Variants in C4orf17 observed in about 807,000 individuals in gnomAD.
The protein encoded by C4orf17 is uncharacterized protein C4orf17.
Under a neutral mutation model 32.0 loss-of-function variants are expected in C4orf17, and 25 were observed. That is an observed-to-expected ratio of 0.78 (90% CI 0.57 to 1.09). The LOEUF (loss-of-function observed/expected upper bound fraction) is 1.09. C4orf17 is among the 50% of genes least tolerant of loss of function. The probability of loss-of-function intolerance (pLI) is 0.00; values close to 1 mark genes in which losing one functional copy is unlikely to be tolerated. For missense variants in C4orf17, 420 were observed against 420.0 expected, an observed-to-expected ratio of 1.00 and a Z score of 0.00; for synonymous variants, 149 against 145.8, an observed-to-expected ratio of 1.02 and a Z score of -0.16.
intron 2 of C4orf17, among the ~76,000 whole-genome samples, chr4:99,517,919 C>A (rs2718687): frequency 0.51 from 78,077 of 151,988 alleles, 22,618 homozygotes; most frequent in East Asian, 0.66. Context: ...AACTCTTGAT[C>A]TTCCTTCAAA....
At chr4:99,524,010 T>G (rs113283517) in intron 3 of C4orf17, among the ~76,000 whole-genome samples, 1 of 147,454 alleles carries the variant, frequency 6.8e-6, no homozygotes, top group East Asian at 2.0e-4. Context: ...GACGGAGTCT[T>G]GCTCTGTCGC....
At position 99,524,605 on chromosome 4, in the gene C4orf17, TGCTA is replaced by T. The variant is rs2110169223; in HGVS notation, c.402+21_402+24del. 6.8e-7 allele frequency: 1 copy of T among 1,475,042 alleles called. No homozygotes were observed. Among genetic ancestry groups the T allele is most frequent in the Admixed American group, 1.8e-5 (1 of 55,244 alleles). 91.4% of individuals were successfully genotyped at this position (1,475,042 alleles called of 1,614,324 possible). A position where few individuals can be genotyped will look rare whatever the true frequency, so the allele number is the denominator to read the frequency against. Reference sequence around the variant, plus strand: ...AAAAAGGTAAGGAACAGCTATTTACTGCTATCTATTTAGTTTGACTTCTATAAGT... The same window carrying T: ...AAAAAGGTAAGGAACAGCTATTTACTTCTATTTAGTTTGACTTCTATAAGT... On this transcript the variant is annotated intron_variant, in intron 4 of 8. Transcript: ENST00000326581.
At position 99,511,611 on chromosome 4, in the gene C4orf17, G is replaced by T. The variant is rs1211492626; in HGVS notation, c.-94+339G>T. Among the ~76,000 whole-genome samples the T allele has an allele frequency of 2.0e-5, 3 of 152,006 alleles. No homozygotes were observed. In the East Asian group the frequency reaches 5.8e-4, roughly 29 times the overall value. On this transcript the variant is annotated intron_variant, in intron 1 of 8. Transcript: ENST00000326581. ...TCTGTGGTCACTTTGCTGGTTAATGGCAAATCTGGGACCATGAATCCTATC... is the reference window on the plus strand; with the variant it reads ...TCTGTGGTCACTTTGCTGGTTAATGTCAAATCTGGGACCATGAATCCTATC...
At chr4:99,514,205 C>A (rs921404156) in intron 2 of C4orf17, among the ~76,000 whole-genome samples, 2 of 152,028 alleles carry the variant, frequency 1.3e-5, no homozygotes, top group Non-Finnish European at 2.9e-5. Context: ...GCAAATAATT[C>A]ATGACTAAGA....
chr4:99,533,058 G>A (rs1723501648), intron 5 of C4orf17, among the ~76,000 whole-genome samples: 1 of 152,204 alleles, frequency 6.6e-6, no homozygotes, highest in African/African-American at 2.4e-5. Flanking sequence ...AGTGGCAAGA[G>A]ATGGGGCTGG....
intron 2 of C4orf17, among the ~76,000 whole-genome samples, chr4:99,521,990 A>G (rs1272392025): frequency 1.3e-5 from 2 of 152,138 alleles, no homozygotes. Flanking sequence ...TTCACAATCT[A>G]CCTTATCCTG....
intron 4 of C4orf17, 118 bp downstream of exon 4, chr4:99,524,703 A>G (rs567214720): frequency 1.9e-5 from 12 of 633,410 alleles, no homozygotes; most frequent in African/African-American, 1.5e-4. Flanking sequence ...CAGCTTTAGT[A>G]AAGTCTAATT....
Position 99,542,230 on chromosome 4 carries a change from T to G in C4orf17, c.*121T>G. 1 of 785,692 alleles carries G rather than the reference T, an allele frequency of 1.3e-6. No homozygotes were observed. 48.7% of individuals were successfully genotyped at this position (785,692 alleles called of 1,614,324 possible). On this transcript the variant is annotated 3_prime_UTR_variant, in exon 9 of 9. Transcript: ENST00000326581. ...AAGTGGTCCTCTTTATGGTGGCACA[T>G]GTAAATCTAAAAATACCTGTATGTA...
intron 4 of C4orf17, among the ~76,000 whole-genome samples, chr4:99,525,883 T>A (rs1223655186): frequency 6.6e-6 from 1 of 152,234 alleles, no homozygotes; most frequent in Non-Finnish European, 1.5e-5. Flanking sequence ...TTGTTATGCA[T>A]GTTTTTGCAA....
At chr4:99,512,456 G>A (rs989327081) in intron 1 of C4orf17, among the ~76,000 whole-genome samples, 1 of 152,036 alleles carries the variant, frequency 6.6e-6, no homozygotes, top group Non-Finnish European at 1.5e-5. Context: ...CATGGCAAAG[G>A]TTCTCTGGTT....
intron 2 of C4orf17, among the ~76,000 whole-genome samples, chr4:99,520,545 T>C (rs1578188461): frequency 6.6e-6 from 1 of 152,266 alleles, no homozygotes; most frequent in Admixed American, 6.5e-5. Context: ...CACATTTTCT[T>C]ATCATATACT....
At chr4:99,531,665 C>A (rs566882015) in intron 5 of C4orf17, among the ~76,000 whole-genome samples, 2 of 152,120 alleles carry the variant, frequency 1.3e-5, no homozygotes, top group Non-Finnish European at 2.9e-5. Context: ...CTCACCACTT[C>A]GCTTGAAAAA....
intron 5 of C4orf17, among the ~76,000 whole-genome samples, chr4:99,536,953 T>G (rs1224053152): frequency 6.6e-6 from 1 of 152,078 alleles, no homozygotes; most frequent in Non-Finnish European, 1.5e-5. Context: ...TTGAACAGGC[T>G]GGAGGCAGCC....
intron 2 of C4orf17, among the ~76,000 whole-genome samples, chr4:99,516,618 C>T (rs1052528047): frequency 6.6e-6 from 1 of 152,026 alleles, no homozygotes; most frequent in Non-Finnish European, 1.5e-5. Flanking sequence ...GTTAAGTATA[C>T]AAACAAGTAA....
chr4:99,513,809 T>A (rs1446053782), intron 2 of C4orf17, among the ~76,000 whole-genome samples: 1 of 152,132 alleles, frequency 6.6e-6, no homozygotes, highest in Non-Finnish European at 1.5e-5. Flanking sequence ...GGAGCTTGGA[T>A]TGAAGAATTT....
At position 99,525,282 on chromosome 4, in the gene C4orf17, C is replaced by T. The variant is rs183076543; in HGVS notation, c.402+697C>T. ...CAAAATGATTGTCCCATTTTACATT[C>T]CCACCAGCAGTGTATGAGTTTTTTT... On this transcript the variant is annotated intron_variant, in intron 4 of 8. Transcript: ENST00000326581. Among the ~76,000 whole-genome samples the T allele has an allele frequency of 7.2e-5, 11 of 152,278 alleles. No individual in the cohort carries two copies. In the East Asian group the frequency reaches 1.5e-3, roughly 21 times the overall value.
chr4:99,514,322 G>T (rs1293639604), intron 2 of C4orf17, among the ~76,000 whole-genome samples: 1 of 152,052 alleles, frequency 6.6e-6, no homozygotes. Flanking sequence ...CAGACAACCT[G>T]CAGAGTGGGA....
In C4orf17 at chr4:99,513,117, C is replaced by T. The variant is rs770758683; in HGVS notation, c.36C>T (p.Ile12=). The T allele has an allele frequency of 1.7e-5, 27 of 1,613,826 alleles. No homozygotes were observed. Among genetic ancestry groups the T allele is most frequent in the East Asian group, 2.2e-5 (1 of 44,870 alleles). The change falls in exon 2 of 9, where the codon ATC becomes ATT. Residue 12 remains isoleucine (I), a synonymous_variant. Transcript: ENST00000326581. ...ACCCCCCGACATCTGCTCTTCAGAT[C>T]GAGGGCAAAGGCAGCCATATTATGG... ...NLNPPTSALQ[I]EGKGSHIMAR... is the part of the protein sequence containing the mutation.
chr4:99,524,061 A>C (rs919691131), intron 3 of C4orf17, among the ~76,000 whole-genome samples: 12 of 148,066 alleles, frequency 8.1e-5, no homozygotes, highest in East Asian at 2.0e-4. Flanking sequence ...CTCACTGCAA[A>C]CTCCACCTCC....
Sources: gnomAD v4.1 joint callset for allele counts (sites outside exome capture counted in the v4.1 genomes callset) on GRCh38, gnomAD v4.1.1 for gene constraint, MANE v1.5 for transcripts, NCBI Gene and HGNC (gene_info 2026-07-23, HGNC 2026-07-21) for gene names.